The following ARL8A variants were observed in gnomAD, a reference collection of about 807,000 sequenced individuals.
ARL8A encodes ARF like GTPase 8A.
In ARL8A, 10 loss-of-function variants were observed where a neutral mutation model predicts 31.2. The ratio of observed to expected loss-of-function variants is 0.32; its 90% CI spans 0.20 to 0.54. The LOEUF (loss-of-function observed/expected upper bound fraction) is 0.54. Among genes scored for constraint, ARL8A ranks in the 20% least tolerant of loss-of-function variants. The pLI, the probability that ARL8A is intolerant of heterozygous loss-of-function variation, is 0.93. For synonymous variants in ARL8A, 70 were observed against 86.9 expected, an observed-to-expected ratio of 0.81 and a Z score of 1.08; for missense variants, 129 against 242.8, an observed-to-expected ratio of 0.53 and a Z score of 3.12.
At chr1:202,139,072 T>C (rs1205201123) in intron 1 of ARL8A, among the ~76,000 whole-genome samples, 2 of 152,216 alleles carry the variant, frequency 1.3e-5, no homozygotes, top group Non-Finnish European at 2.9e-5. Context: ...CCCAGGTCTA[T>C]AGTAACACCA....
chr1:202,136,143 A>G (rs1382005445), intron 3 of ARL8A, among the ~76,000 whole-genome samples: 1 of 152,226 alleles, frequency 6.6e-6, no homozygotes, highest in Non-Finnish European at 1.5e-5. Context: ...AAATAAGGTT[A>G]GAGTGAAAAA....
At chr1:202,137,078 G>A (rs1175613922) in intron 3 of ARL8A, among the ~76,000 whole-genome samples, 1 of 151,574 alleles carries the variant, frequency 6.6e-6, no homozygotes, top group Non-Finnish European at 1.5e-5. Flanking sequence ...GGATGGTCTC[G>A]ATCTTCTGAC....
chr1:202,139,799 C>T (rs910727481), intron 1 of ARL8A, among the ~76,000 whole-genome samples: 1 of 151,306 alleles, frequency 6.6e-6, no homozygotes, highest in Non-Finnish European at 1.5e-5. Context: ...AGGCATGTGC[C>T]ACCACACCCA....
rs553549595 is a variant in ARL8A, at chr1:202,134,540, T to A, written c.512-24A>T. 2.7e-5 allele frequency: 43 copies of A among 1,604,800 alleles called. No individual in the cohort carries two copies. The South Asian group carries it at 4.7e-4, about 18-fold the overall frequency. ...GTCTGATAGGAGAAAAGAGAACAGC[T>A]TATAAGGCCTGCAAGTACTGGCCGT... On this transcript the variant is annotated intron_variant, in intron 6 of 6. Transcript: ENST00000272217. This position sits in a 1 kb window ranked among gnomAD's most constrained non-coding sequence, Gnocchi z 4.2.
In ARL8A at chr1:202,144,435, C is replaced by G. The variant is rs751934291; in HGVS notation, c.123+15G>C. On this transcript the variant is annotated intron_variant, in intron 1 of 6. Transcript: ENST00000272217. This position sits in a 1 kb window ranked among gnomAD's most constrained non-coding sequence, Gnocchi z 5.2. ...CGGCCCGCGCCCGGGGACCCCGCGC[C>G]CGACGCCCTCGTACCGCGATCACGT... 7.2e-7 allele frequency: 1 copy of G among 1,393,310 alleles called. No individual in the cohort carries two copies. Among genetic ancestry groups the G allele is most frequent in the East Asian group, 4.0e-5 (1 of 25,052 alleles). The allele number at this position is 1,393,310 out of a possible 1,614,324, so 86.3% of individuals were successfully genotyped here. A position where few individuals can be genotyped will look rare whatever the true frequency, so the allele number is the denominator to read the frequency against.
At position 202,134,397 on chromosome 1, in the gene ARL8A, G is replaced by A; in HGVS notation, c.*70C>T. ...GGGGTGGGCTTAGGGGGACGACAGGGGTGGGCGGGGAGCTCGGCTTCAGGT... is the reference window on the plus strand; with the variant it reads ...GGGGTGGGCTTAGGGGGACGACAGGAGTGGGCGGGGAGCTCGGCTTCAGGT... On this transcript the variant is annotated 3_prime_UTR_variant, in exon 7 of 7. Coordinates refer to ENST00000272217, the MANE Select transcript of ARL8A (RefSeq NM_138795.4). This position sits in a 1 kb window ranked among gnomAD's most constrained non-coding sequence, Gnocchi z 4.2. 1 of 1,518,474 alleles carries A rather than the reference G, an allele frequency of 6.6e-7. No individual in the cohort carries two copies. Among genetic ancestry groups the A allele is most frequent in the Non-Finnish European group, 9.1e-7 (1 of 1,095,064 alleles). 94.1% of individuals were successfully genotyped at this position (1,518,474 alleles called of 1,614,324 possible).
chr1:202,144,302 C>T lies in ARL8A; in HGVS notation c.123+148G>A. ...GGCACGGGCCGTACTAGGCCCCAAG[C>T]GCTCGGGGCCGGCTCCTCCCCCGCC... On this transcript the variant is annotated intron_variant, in intron 1 of 6. Transcript: ENST00000272217. This position sits in a 1 kb window ranked among gnomAD's most constrained non-coding sequence, Gnocchi z 5.2. 1 of 434,808 alleles carries T rather than the reference C, an allele frequency of 2.3e-6. No homozygotes were observed. Among genetic ancestry groups the T allele is most frequent in the Non-Finnish European group, 3.1e-6 (1 of 326,218 alleles). The allele number at this position is 434,808 out of a possible 1,614,324, so 26.9% of individuals were successfully genotyped here.
At position 202,134,239 on chromosome 1, in the gene ARL8A, G is replaced by A; in HGVS notation, c.*228C>T. On this transcript the variant is annotated 3_prime_UTR_variant, in exon 7 of 7. Coordinates refer to ENST00000272217, the MANE Select transcript of ARL8A (RefSeq NM_138795.4). This position sits in a 1 kb window ranked among gnomAD's most constrained non-coding sequence, Gnocchi z 4.2. ...AGGCAGGGCTGGGTGATGGGACAAA[G>A]GCAGCGGGGAAGGGTGAGAAGTTAG... 3.6e-6 allele frequency: 2 copies of A among 552,580 alleles called. No individual in the cohort carries two copies. The highest frequency in any genetic ancestry group is 2.0e-5 in the South Asian group (1 of 49,318). The allele number at this position is 552,580 out of a possible 1,614,324, so 34.2% of individuals were successfully genotyped here.
intron 3 of ARL8A, among the ~76,000 whole-genome samples, chr1:202,136,886 G>A (rs1324618165): frequency 2.7e-5 from 4 of 149,970 alleles, no homozygotes; most frequent in African/African-American, 7.4e-5. Flanking sequence ...ACAGAGTCTC[G>A]CTTTGTCGCC....
In ARL8A at chr1:202,138,294, A is replaced by AAC. The variant is rs10531175; in HGVS notation, c.204+72_204+73dup. 0.035 allele frequency: 46,964 copies of AAC among 1,333,316 alleles called. 272 individuals are homozygous for AAC. The highest frequency in any genetic ancestry group is 0.084 in the African/African-American group (5,620 of 66,692). The allele number at this position is 1,333,316 out of a possible 1,614,324, so 82.6% of individuals were successfully genotyped here. On this transcript the variant is annotated intron_variant, in intron 2 of 6. Coordinates refer to ENST00000272217, the MANE Select transcript of ARL8A (RefSeq NM_138795.4). The surrounding 1 kb of genome is among the most constrained non-coding windows in gnomAD (Gnocchi z 4.4). ...CCCAGGGGCCTCCGTTGCCCTCCCC[A>AAC]ACACACACACACACACACACACACA...
intron 1 of ARL8A, among the ~76,000 whole-genome samples, chr1:202,141,429 G>A (rs1039122729): frequency 6.6e-6 from 1 of 151,936 alleles, no homozygotes; most frequent in Admixed American, 6.6e-5. Flanking sequence ...ATCACCTGAG[G>A]TCAGGGGTTC....
rs2147811849 is a variant in ARL8A at position 202,138,163 on chromosome 1, T to TC, written c.205-126dup. On this transcript the variant is annotated intron_variant, in intron 2 of 6. Transcript: ENST00000272217. The surrounding 1 kb of genome is among the most constrained non-coding windows in gnomAD (Gnocchi z 4.4). ...GCCTCCCCGGCTTCCTCTCCAGTTC[T>TC]CCCCCGTCTCCACCCGCTCTCCGTC... 8.3e-7 allele frequency: 1 copy of TC among 1,203,364 alleles called. No individual in the cohort carries two copies. 74.5% of individuals were successfully genotyped at this position (1,203,364 alleles called of 1,614,324 possible).
Position 202,138,595 on chromosome 1 carries a change from G to T in ARL8A, c.124-147C>A. On this transcript the variant is annotated intron_variant, in intron 1 of 6. Transcript: ENST00000272217. This position sits in a 1 kb window ranked among gnomAD's most constrained non-coding sequence, Gnocchi z 4.4. Reference sequence around the variant, plus strand: ...TACTCTTGCACATCCTGTGCTTTCAGGCAGGATGGGCTATCACCAACCTAT... The same window carrying T: ...TACTCTTGCACATCCTGTGCTTTCATGCAGGATGGGCTATCACCAACCTAT... 1.4e-6 allele frequency: 1 copy of T among 723,398 alleles called. No homozygotes were observed. 44.8% of individuals were successfully genotyped at this position (723,398 alleles called of 1,614,324 possible).
At chr1:202,137,542 G>A (rs553398486) in intron 3 of ARL8A, among the ~76,000 whole-genome samples, 98 of 152,100 alleles carry the variant, frequency 6.4e-4, no homozygotes, top group African/African-American at 2.2e-3. Context: ...TGGGAGAATC[G>A]CTTGAACCTG....
In ARL8A at chr1:202,144,433, G is replaced by A. The variant is rs764466519; in HGVS notation, c.123+17C>T. 2.2e-5 allele frequency: 30 copies of A among 1,385,128 alleles called. No individual in the cohort carries two copies. Among genetic ancestry groups the A allele is most frequent in the African/African-American group, 3.0e-5 (2 of 65,694 alleles). The allele number at this position is 1,385,128 out of a possible 1,614,324, so 85.8% of individuals were successfully genotyped here. A position where few individuals can be genotyped will look rare whatever the true frequency, so the allele number is the denominator to read the frequency against. On this transcript the variant is annotated intron_variant, in intron 1 of 6. Transcript: ENST00000272217. The surrounding 1 kb of genome is among the most constrained non-coding windows in gnomAD (Gnocchi z 5.2). ...CGCGGCCCGCGCCCGGGGACCCCGC[G>A]CCCGACGCCCTCGTACCGCGATCAC... is the stretch of plus-strand genomic sequence containing the variant.
At position 202,139,748 on chromosome 1, in the gene ARL8A, C is replaced by T. The variant is rs371746928; in HGVS notation, c.124-1300G>A. 1.4e-4 allele frequency among the ~76,000 whole-genome samples: 19 copies of T among 136,082 alleles called. No homozygotes were observed. The East Asian group carries it at 3.5e-3, about 25-fold the overall frequency. 89.3% of individuals were successfully genotyped at this position (136,082 alleles called of 152,430 possible). On this transcript the variant is annotated intron_variant, in intron 1 of 6. Transcript: ENST00000272217. ...GCAGCCTCTGCCTCCTGGGCTCAAG[C>T]GAGGGTCTCCTGCCTCAGCCTCCCC... is the stretch of plus-strand genomic sequence containing the variant.
chr1:202,138,643 T>C lies in ARL8A; in HGVS notation c.124-195A>G, dbSNP rs1325037686. Among the ~76,000 whole-genome samples, 1 of 152,200 alleles carries C rather than the reference T, an allele frequency of 6.6e-6. No homozygotes were observed. The highest frequency in any genetic ancestry group is 1.5e-5 in the Non-Finnish European group (1 of 68,040). Reference sequence around the variant, plus strand: ...TATGTGTCCCGCCTACACCTGGGGATGCCCTGTGAAAAGACCCGCTTTTGT... The same window carrying C: ...TATGTGTCCCGCCTACACCTGGGGACGCCCTGTGAAAAGACCCGCTTTTGT... On this transcript the variant is annotated intron_variant, in intron 1 of 6. Transcript: ENST00000272217. The surrounding 1 kb of genome is among the most constrained non-coding windows in gnomAD (Gnocchi z 4.4).
intron 1 of ARL8A, among the ~76,000 whole-genome samples, chr1:202,139,963 A>C (rs1558306731): frequency 6.6e-6 from 1 of 151,376 alleles, no homozygotes; most frequent in Non-Finnish European, 1.5e-5. Flanking sequence ...CTGTTCCTTT[A>C]CCATGCCTTT....
At position 202,134,054 on chromosome 1, in the gene ARL8A, T is replaced by C. The variant is rs1654935281; in HGVS notation, c.*413A>G. The stretch of plus-strand genomic sequence containing the variant: ...CCTGAAAGGCCCCTGCAGCATCAAA[T>C]GGTTGATTTTAGTCTTTGCTTAAAT... On this transcript the variant is annotated 3_prime_UTR_variant, in exon 7 of 7. Transcript: ENST00000272217. This position sits in a 1 kb window ranked among gnomAD's most constrained non-coding sequence, Gnocchi z 4.2. 1 of 152,500 alleles carries C rather than the reference T, an allele frequency of 6.6e-6. No homozygotes were observed. The highest frequency in any genetic ancestry group is 2.1e-4 in the South Asian group (1 of 4,832). 9.4% of individuals were successfully genotyped at this position (152,500 alleles called of 1,614,324 possible). A position where few individuals can be genotyped will look rare whatever the true frequency, so the allele number is the denominator to read the frequency against.
Sources: allele counts gnomAD v4.1 joint callset (sites outside exome capture counted in the v4.1 genomes callset), GRCh38; gene constraint gnomAD v4.1.1; non-coding constraint Gnocchi (gnomAD v3.1); transcripts MANE v1.5; gene names NCBI Gene and HGNC (gene_info 2026-07-23, HGNC 2026-07-21).